Variants in CWH43 observed in about 807,000 individuals in gnomAD.
The protein encoded by CWH43 is PGAP2-interacting protein.
A neutral mutation model predicts 85.7 loss-of-function variants in CWH43; 91 were observed. The observed-to-expected ratio is 1.06, with a 90% CI of 0.90 to 1.26. CWH43 has a LOEUF of 1.26. Among genes scored for constraint, CWH43 ranks in the 50% most tolerant of loss-of-function variants. The probability of loss-of-function intolerance (pLI) is 0.00; values close to 1 mark genes in which losing one functional copy is unlikely to be tolerated. For synonymous variants in CWH43, 323 were observed against 293.6 expected, an observed-to-expected ratio of 1.10 and a Z score of -1.02; for missense variants, 869 against 839.2, an observed-to-expected ratio of 1.04 and a Z score of -0.44.
At chr4:49,051,780 T>C (rs1206669215) in intron 15 of CWH43, among the ~76,000 whole-genome samples, 2 of 152,332 alleles carry the variant, frequency 1.3e-5, no homozygotes, top group Middle Eastern at 3.4e-3. Flanking sequence ...TTTCACTATA[T>C]TGGTCAGGCT....
In CWH43 at chr4:49,015,227, CCTTTTT is replaced by C. The variant is rs1189583153; in HGVS notation, c.1187-2015_1187-2010del. Among the ~76,000 whole-genome samples the C allele has an allele frequency of 4.6e-5, 7 of 150,818 alleles. No homozygotes were observed. In the East Asian group the frequency reaches 1.4e-3, roughly 29 times the overall value. ...TCCACTTTTTCTAGGTATGTTTTTT[CCTTTTT>C]CTTTTTGATATTTTTTTCATTGATT... On this transcript the variant is annotated intron_variant, in intron 8 of 15. Coordinates refer to ENST00000226432, the MANE Select transcript of CWH43 (RefSeq NM_025087.3).
At chr4:48,998,608 A>G in intron 6 of CWH43, 60 bp downstream of exon 6, 1 of 1,214,866 alleles carries the variant, frequency 8.2e-7, no homozygotes, top group Non-Finnish European at 1.2e-6. Context: ...GTTTGTTTGC[A>G]AGCATGCGCA....
At chr4:49,023,518 G>A (rs1181583519) in intron 9 of CWH43, among the ~76,000 whole-genome samples, 1 of 152,112 alleles carries the variant, frequency 6.6e-6, no homozygotes, top group Non-Finnish European at 1.5e-5. Flanking sequence ...GGGATTACAG[G>A]CATGCACCAC....
chr4:49,009,167 G>C (rs960949483), intron 8 of CWH43, among the ~76,000 whole-genome samples: 12 of 152,176 alleles, frequency 7.9e-5, no homozygotes, highest in Non-Finnish European at 1.5e-4. Flanking sequence ...GTGGTTTGTA[G>C]TTCTCCTTGA....
At position 49,052,381 on chromosome 4, in the gene CWH43, C is replaced by A. The variant is rs537612370; in HGVS notation, c.2021+1532C>A. Among the ~76,000 whole-genome samples, 7 of 152,214 alleles carry A rather than the reference C, an allele frequency of 4.6e-5. No individual in the cohort carries two copies. The South Asian group carries it at 1.2e-3, about 27-fold the overall frequency. On this transcript the variant is annotated intron_variant, in intron 15 of 15. Transcript: ENST00000226432. ...TGGGAAAAATAGTAGTGGCTACTTCCTAAGGCTATGTGAGGTATGAATGGC... is the reference window on the plus strand; with the variant it reads ...TGGGAAAAATAGTAGTGGCTACTTCATAAGGCTATGTGAGGTATGAATGGC...
intron 15 of CWH43, among the ~76,000 whole-genome samples, chr4:49,060,211 C>T (rs769867308): frequency 6.6e-6 from 1 of 151,720 alleles, no homozygotes; most frequent in Non-Finnish European, 1.5e-5. Context: ...CCAGGTTGGG[C>T]TTGGAGCCTG....
At position 48,998,494 on chromosome 4, in the gene CWH43, A is replaced by C; in HGVS notation, c.748A>C (p.Met250Leu). ...ACTGCTGTGCTTGGCAAGTGGATTG[A>C]TGCTTCCATCTTGTTTGTGGTTTCG... ...AVLLCLASGL[M>L]LPSCLWFRGT... The change falls in exon 6 of 16, where the codon ATG (methionine) becomes CTG (leucine). Residue 250 changes from methionine to leucine, a missense_variant. By Grantham distance (15) the Met-to-Leu change is conservative (BLOSUM62 2). Coordinates refer to ENST00000226432, the MANE Select transcript of CWH43 (RefSeq NM_025087.3). 6.2e-7 allele frequency: 1 copy of C among 1,613,936 alleles called. No homozygotes were observed. The highest frequency in any genetic ancestry group is 8.5e-7 in the Non-Finnish European group (1 of 1,179,888).
At chr4:48,986,521 C>T in intron 1 of CWH43, 49 bp downstream of exon 1, 1 of 1,548,580 alleles carries the variant, frequency 6.5e-7, no homozygotes, top group Non-Finnish European at 8.7e-7. Context: ...GCTCCCCGGG[C>T]CATGTCCAGA....
At chr4:49,037,253 G>A (rs1784289266) in intron 12 of CWH43, among the ~76,000 whole-genome samples, 1 of 152,164 alleles carries the variant, frequency 6.6e-6, no homozygotes, top group South Asian at 2.1e-4. Flanking sequence ...TGTTTGAGCA[G>A]GAGAGCCAAG....
At chr4:48,998,260 C>T (rs1782876920) in intron 5 of CWH43, among the ~76,000 whole-genome samples, 200 bp from the exon 6 acceptor site, 1 of 152,192 alleles carries the variant, frequency 6.6e-6, no homozygotes, top group Admixed American at 6.6e-5. Context: ...TATCATTGAT[C>T]TCATGGCAGA....
intron 15 of CWH43, among the ~76,000 whole-genome samples, chr4:49,051,225 A>T (rs1186740930): frequency 6.6e-6 from 1 of 152,110 alleles, no homozygotes; most frequent in Admixed American, 6.6e-5. Flanking sequence ...TGGTCCTCTT[A>T]TTATCCCCTT....
chr4:49,050,903 A>G, intron 15 of CWH43, 54 bp downstream of exon 15: 1 of 1,288,968 alleles, frequency 7.8e-7, no homozygotes, highest in Non-Finnish European at 1.1e-6. Flanking sequence ...CCCTCTATGG[A>G]ACCTACATAT....
intron 9 of CWH43, among the ~76,000 whole-genome samples, chr4:49,027,683 G>T (rs554834883): frequency 6.6e-6 from 1 of 152,072 alleles, no homozygotes; most frequent in Non-Finnish European, 1.5e-5. Flanking sequence ...TATCCCTTGG[G>T]TTACAAACAA....
intron 6 of CWH43, among the ~76,000 whole-genome samples, chr4:48,999,682 G>T (rs958767478): frequency 6.6e-6 from 1 of 152,182 alleles, no homozygotes; most frequent in Admixed American, 6.5e-5. Flanking sequence ...GTTGCCAGTT[G>T]CCAGACCTCT....
chr4:49,038,181 G>T lies in CWH43; in HGVS notation c.1803+1G>T, dbSNP rs772843452. On this transcript the variant is annotated splice_donor_variant, in intron 13 of 15. Coordinates refer to ENST00000226432, the MANE Select transcript of CWH43 (RefSeq NM_025087.3). LOFTEE classifies it high-confidence loss of function. Reference sequence around the variant, plus strand: ...GCTCACTGAACATGGCAATGTGAAGGTAACATAATCTTAATAGGATTTCTA... The same window carrying T: ...GCTCACTGAACATGGCAATGTGAAGTTAACATAATCTTAATAGGATTTCTA... 2.0e-5 allele frequency: 31 copies of T among 1,555,470 alleles called. No homozygotes were observed. The highest frequency in any genetic ancestry group is 2.7e-5 in the Non-Finnish European group (31 of 1,151,620).
In CWH43 at chr4:49,017,270, TGGGA is replaced by T. The variant is rs1783580455; in HGVS notation, c.1209_1212del (p.Gly404CysfsTer4). On this transcript the variant is annotated frameshift_variant, in exon 9 of 16. Transcript: ENST00000226432. LOFTEE classifies it high-confidence loss of function. ...TTAGTTCTGTGGCTGCTTGTTGGTGTGGGATTGTTGGGATTAGGACTACGGCATA... is the reference window on the plus strand; with the variant it reads ...TTAGTTCTGTGGCTGCTTGTTGGTGTTTGTTGGGATTAGGACTACGGCATA... The T allele has an allele frequency of 6.2e-7, 1 of 1,611,696 alleles. No homozygotes were observed. Among genetic ancestry groups the T allele is most frequent in the African/African-American group, 1.3e-5 (1 of 74,858 alleles).
chr4:49,030,928 C>A lies in CWH43; in HGVS notation c.1476C>A (p.Asp492Glu), dbSNP rs1784076236. ...GGGAAAAGTTGGGTTTCTATACAGA[C>A]TTTGGTCCAAGCACAAGGTATCACA... The part of the protein sequence containing the change: ...WLGEKLGFYT[D>E]FGPSTRYHTW... Residue 492 changes from aspartate (D) to glutamate (E), a missense_variant, in exon 11 of 16, where the codon GAC becomes GAA. Asp to Glu is a conservative substitution (Grantham distance 45). Transcript: ENST00000226432. 1 of 1,608,448 alleles carries A rather than the reference C, an allele frequency of 6.2e-7. No individual in the cohort carries two copies. The highest frequency in any genetic ancestry group is 1.1e-5 in the South Asian group (1 of 90,222).
At position 48,986,341 on chromosome 4, in the gene CWH43, C is replaced by G; in HGVS notation, c.-89C>G. Reference sequence around the variant, plus strand: ...GGGCGCGGACGCAGGCCCGGGAGGACGCGGCGGCGGGAACCTGGGGGCGCA... The same window carrying G: ...GGGCGCGGACGCAGGCCCGGGAGGAGGCGGCGGCGGGAACCTGGGGGCGCA... On this transcript the variant is annotated 5_prime_UTR_variant, in exon 1 of 16. Coordinates refer to ENST00000226432, the MANE Select transcript of CWH43 (RefSeq NM_025087.3). The G allele has an allele frequency of 1.5e-6, 2 of 1,293,922 alleles. No individual in the cohort carries two copies. Among genetic ancestry groups the G allele is most frequent in the South Asian group, 2.8e-5 (2 of 72,284 alleles). 80.2% of individuals were successfully genotyped at this position (1,293,922 alleles called of 1,614,324 possible).
intron 9 of CWH43, among the ~76,000 whole-genome samples, chr4:49,017,906 C>T (rs1783610116): frequency 2.0e-5 from 3 of 151,946 alleles, no homozygotes; most frequent in African/African-American, 7.3e-5. Flanking sequence ...GCGATCTTGG[C>T]TCACTGCAAC....
Sources: allele counts gnomAD v4.1 joint callset (sites outside exome capture counted in the v4.1 genomes callset), GRCh38; gene constraint gnomAD v4.1.1; transcripts MANE v1.5; gene names NCBI Gene and HGNC (gene_info 2026-07-23, HGNC 2026-07-21).